The following PIEZO2 variants were observed in gnomAD, a reference collection of about 807,000 sequenced individuals.
The protein encoded by PIEZO2 is piezo type mechanosensitive ion channel component 2.
PIEZO2 carries 172 observed loss-of-function variants against 337.3 expected under a neutral mutation model. The observed-to-expected ratio is 0.51, with a 90% confidence interval of 0.45 to 0.58. PIEZO2 has a LOEUF of 0.58. Ranked by LOEUF, PIEZO2 falls within the 20% of genes least tolerant of loss-of-function variation. The pLI is 0.00. For synonymous variants in PIEZO2, 1,251 were observed against 1,228.5 expected, an observed-to-expected ratio of 1.02 and a Z score of -0.38; for missense variants, 3,028 against 3,391.3, an observed-to-expected ratio of 0.89 and a Z score of 2.66.
chr18:10,852,912 T>G (rs960428386), intron 7 of PIEZO2, among the ~76,000 whole-genome samples: 2 of 152,046 alleles, frequency 1.3e-5, no homozygotes, highest in South Asian at 4.2e-4. Flanking sequence ...TTACACTGTT[T>G]CTCTAAAATA....
At chr18:10,831,008 C>A (rs886424804) in intron 7 of PIEZO2, among the ~76,000 whole-genome samples, 1 of 152,042 alleles carries the variant, frequency 6.6e-6, no homozygotes, top group Non-Finnish European at 1.5e-5. Context: ...TGGCTTTTAT[C>A]CAAACAAAGG....
Position 10,853,492 on chromosome 18 carries a change from G to T in PIEZO2, c.917+1861C>A, listed in dbSNP as rs1057201061. Among the ~76,000 whole-genome samples the T allele has an allele frequency of 6.6e-6, 1 of 152,216 alleles. No homozygotes were observed. Among genetic ancestry groups the T allele is most frequent in the African/African-American group, 2.4e-5 (1 of 41,460 alleles). On this transcript the variant is annotated intron_variant, in intron 7 of 55. Transcript: ENST00000674853. The surrounding 1 kb of genome is among the most constrained non-coding windows in gnomAD (Gnocchi z 4.2). ...TAAGGAAGCAAAAATTGAAATTGCAGCAGATCCATGGGAATTCGCTGTCAG... is the reference window on the plus strand; with the variant it reads ...TAAGGAAGCAAAAATTGAAATTGCATCAGATCCATGGGAATTCGCTGTCAG...
chr18:10,910,157 A>C (rs1436844111), intron 4 of PIEZO2, among the ~76,000 whole-genome samples: 1 of 152,238 alleles, frequency 6.6e-6, no homozygotes, highest in Non-Finnish European at 1.5e-5. Context: ...TGTGACAGTA[A>C]AATGAAATTA....
intron 3 of PIEZO2, among the ~76,000 whole-genome samples, chr18:10,946,658 C>A (rs533049485): frequency 7.9e-5 from 12 of 152,220 alleles, no homozygotes; most frequent in Non-Finnish European, 1.2e-4. Flanking sequence ...CTCCGCTGGG[C>A]TGGTGCTGCC....
chr18:10,792,819 A>ATCC (rs2039449671), intron 13 of PIEZO2, among the ~76,000 whole-genome samples: 1 of 152,202 alleles, frequency 6.6e-6, no homozygotes, highest in African/African-American at 2.4e-5. Flanking sequence ...GTCTTATGGA[A>ATCC]ATTTTATGTT....
intron 21 of PIEZO2, among the ~76,000 whole-genome samples, chr18:10,768,654 T>C (rs2038466128): frequency 6.6e-6 from 1 of 152,152 alleles, no homozygotes; most frequent in Non-Finnish European, 1.5e-5. Context: ...ATTCTGAAAG[T>C]CTGCACAATG....
chr18:10,839,924 A>T (rs572178592), intron 7 of PIEZO2, among the ~76,000 whole-genome samples: 2 of 152,366 alleles, frequency 1.3e-5, no homozygotes, highest in Admixed American at 6.5e-5. Context: ...ATCTAGGAAA[A>T]GAAACAATTG....
Position 10,957,991 on chromosome 18 carries a change from T to C in PIEZO2, c.286+21544A>G, listed in dbSNP as rs142931500. On this transcript the variant is annotated intron_variant, in intron 3 of 55. Coordinates refer to ENST00000674853, the MANE Select transcript of PIEZO2 (RefSeq NM_001378183.1). ...CACTTCATGCCTGTTAGAATGACTG[T>C]TATCAAAAAGATAAAAGATAACAAA... Among the ~76,000 whole-genome samples, 328 of 152,216 alleles carry C rather than the reference T, an allele frequency of 2.2e-3. 8 individuals are homozygous for C. Among genetic ancestry groups the C allele is most frequent in the Admixed American group, 0.019 (293 of 15,284 alleles).
intron 11 of PIEZO2, among the ~76,000 whole-genome samples, chr18:10,799,675 C>T (rs1238879088): frequency 6.6e-6 from 1 of 152,086 alleles, no homozygotes; most frequent in Middle Eastern, 3.2e-3. Flanking sequence ...AAAAAAAGGA[C>T]TCTTAAAAAA....
At chr18:10,879,780 T>G (rs1840325684) in intron 4 of PIEZO2, among the ~76,000 whole-genome samples, 1 of 152,194 alleles carries the variant, frequency 6.6e-6, no homozygotes, top group Admixed American at 6.5e-5. Flanking sequence ...CTGAAATTTC[T>G]AAATAACTTA....
chr18:10,788,326 T>A, intron 15 of PIEZO2, among the ~76,000 whole-genome samples: 1 of 149,766 alleles, frequency 6.7e-6, no homozygotes, highest in Admixed American at 6.7e-5. Flanking sequence ...TCCTTGAAAC[T>A]GGGAGGCAGA....
At chr18:10,812,269 C>A (rs1403989497) in intron 7 of PIEZO2, among the ~76,000 whole-genome samples, 1 of 152,170 alleles carries the variant, frequency 6.6e-6, no homozygotes, top group Admixed American at 6.5e-5. Context: ...CAGACTACTA[C>A]GAATAAAAAT....
chr18:10,760,695 C>G (rs2038088089), intron 24 of PIEZO2, among the ~76,000 whole-genome samples: 1 of 152,170 alleles, frequency 6.6e-6, no homozygotes, highest in East Asian at 1.9e-4. Context: ...CCAGAGAGGC[C>G]AAGGCACTGC....
chr18:10,884,337 GATT>G (rs1267201661), intron 4 of PIEZO2, among the ~76,000 whole-genome samples: 2 of 152,114 alleles, frequency 1.3e-5, no homozygotes, highest in African/African-American at 4.8e-5. Context: ...TGGCTATTGT[GATT>G]AGTGCTGCTA....
In PIEZO2 at chr18:10,724,948, C is replaced by T. The variant is rs949134046; in HGVS notation, c.5029+6459G>A. ...TGGACGGCGATGGAACCCAGGTGGG[C>T]GCACCCTGCGGCCTGCAGCCTCCCT... On this transcript the variant is annotated intron_variant, in intron 36 of 55. Transcript: ENST00000674853. The surrounding 1 kb of genome is among the most constrained non-coding windows in gnomAD (Gnocchi z 5.8). 53 of 1,593,554 alleles carry T rather than the reference C, an allele frequency of 3.3e-5. No individual in the cohort carries two copies. The highest frequency in any genetic ancestry group is 1.9e-4 in the African/African-American group (14 of 74,600).
At chr18:10,752,906 G>A in intron 27 of PIEZO2, 27 bp from the exon 28 acceptor site, 1 of 1,516,230 alleles carries the variant, frequency 6.6e-7, no homozygotes, top group Non-Finnish European at 8.8e-7. Context: ...GTGACAAAAA[G>A]ACAACAACAA....
At chr18:10,747,166 G>C (rs1443473061) in intron 30 of PIEZO2, among the ~76,000 whole-genome samples, 1 of 152,168 alleles carries the variant, frequency 6.6e-6, no homozygotes, top group Admixed American at 6.5e-5. Context: ...ACTATAACAT[G>C]ATGGGCATGA....
In PIEZO2 at chr18:10,855,615, C is replaced by G; in HGVS notation, c.704-49G>C. On this transcript the variant is annotated intron_variant, in intron 6 of 55. Transcript: ENST00000674853. This position sits in a 1 kb window ranked among gnomAD's most constrained non-coding sequence, Gnocchi z 4.9. ...AAAGTCAGGTAGAACTGGAAATTCA[C>G]TTATCATTCAGTGAATGTGACTATT... is the stretch of plus-strand genomic sequence containing the variant. 1 of 1,387,598 alleles carries G rather than the reference C, an allele frequency of 7.2e-7. No individual in the cohort carries two copies. The highest frequency in any genetic ancestry group is 9.8e-7 in the Non-Finnish European group (1 of 1,018,152). 86.0% of individuals were successfully genotyped at this position (1,387,598 alleles called of 1,614,324 possible).
At position 11,104,345 on chromosome 18, in the gene PIEZO2, C is replaced by T. The variant is rs1205227055; in HGVS notation, c.65-38123G>A. Reference sequence around the variant, plus strand: ...TTAGCCCTAGCCACCCCACCTCAAGCCAGGAGGCTCTTTCTCCTAGACCAA... The same window carrying T: ...TTAGCCCTAGCCACCCCACCTCAAGTCAGGAGGCTCTTTCTCCTAGACCAA... On this transcript the variant is annotated intron_variant, in intron 1 of 55. Coordinates refer to ENST00000674853, the MANE Select transcript of PIEZO2 (RefSeq NM_001378183.1). The surrounding 1 kb of genome is among the most constrained non-coding windows in gnomAD (Gnocchi z 4.6). 6.6e-6 allele frequency among the ~76,000 whole-genome samples: 1 copy of T among 152,198 alleles called. No individual in the cohort carries two copies. The highest frequency in any genetic ancestry group is 1.5e-5 in the Non-Finnish European group (1 of 68,036).
Sources: allele counts gnomAD v4.1 joint callset (sites outside exome capture counted in the v4.1 genomes callset), GRCh38; gene constraint gnomAD v4.1.1; non-coding constraint Gnocchi (gnomAD v3.1); transcripts MANE v1.5; gene names NCBI Gene and HGNC (gene_info 2026-07-23, HGNC 2026-07-21).